ZCCHC2: variants seen among roughly 807,000 people sequenced by gnomAD.
ZCCHC2 encodes the protein zinc finger CCHC domain-containing protein 2.
A neutral mutation model predicts 103.6 loss-of-function variants in ZCCHC2; 39 were observed. That is an observed-to-expected ratio of 0.38 (90% CI 0.29 to 0.49). The LOEUF is 0.49. Among genes scored for constraint, ZCCHC2 ranks in the 20% least tolerant of loss-of-function variants. The pLI is 0.96. For missense variants in ZCCHC2, 1,483 were observed against 1,491.0 expected (o/e 0.99, Z 0.09); for synonymous variants, 687 against 608.9 (o/e 1.13, Z -1.89).
chr18:62,585,570 C>CT (rs34349413), exon 15 of ZCCHC2: 34,063 of 152,194 alleles, frequency 0.22, 4,068 homozygotes, highest in South Asian at 0.32. Context: ...TACATGGTAA[C>CT]TTAATTGTGC....
chr18:62,524,579 C>A, intron 1 of ZCCHC2: 1 of 648,738 alleles, frequency 1.5e-6, no homozygotes, highest in Non-Finnish European at 2.4e-6. Flanking sequence ...GCAGACACAG[C>A]CACCCGCCAT....
chr18:62,560,754 T>A, intron 8 of ZCCHC2, 110 bp downstream of exon 8: 2 of 830,122 alleles, frequency 2.4e-6, no homozygotes, highest in Non-Finnish European at 3.6e-6. Flanking sequence ...TTTTGCTATT[T>A]GCTTTTTATT....
intron 4 of ZCCHC2, among the ~76,000 whole-genome samples, chr18:62,546,284 T>C (rs1312341029): frequency 6.6e-6 from 1 of 152,176 alleles, no homozygotes; most frequent in Non-Finnish European, 1.5e-5. Flanking sequence ...GCAGGCTCCA[T>C]CTGCCAGGCA....
In ZCCHC2 at chr18:62,570,127, G is replaced by T. The variant is rs781659795; in HGVS notation, c.1871G>T (p.Gly624Val). Residue 624 changes from glycine to valine, a missense_variant, in exon 12 of 14, where the codon GGA becomes GTA. By Grantham distance (109) the Gly-to-Val change is moderately radical (BLOSUM62 -3). Transcript: ENST00000269499. ...GATGTGAATTTGGACATTGGCTCTG[G>T]ACATGACACATGTGGAGAAACATCT... is the stretch of plus-strand genomic sequence containing the variant. ...VKDVNLDIGS[G>V]HDTCGETSSE... 1.4e-5 allele frequency: 22 copies of T among 1,612,330 alleles called. No individual in the cohort carries two copies. In the Admixed American group the frequency reaches 3.7e-4, roughly 27 times the overall value.
rs532980655 is a variant in ZCCHC2, at chr18:62,574,347, G to A, written c.2266G>A (p.Val756Ile). ...CATAGGGATGCTTGTTCCTAGTCCT[G>A]TTGCTATTTCTGCAATAAGGGAGTC... ...KTIGMLVPSP[V>I]AISAIRESAN... The change falls in exon 13 of 14, where the codon GTT (valine) becomes ATT (isoleucine). Residue 756 changes from valine to isoleucine, a missense_variant. Physicochemically the swap from Val to Ile is conservative, Grantham distance 29. Around this residue, in one of 3 missense-constraint regions of ZCCHC2, gnomAD observed 884 missense variants for 907.5 expected, o/e 0.97. Transcript: ENST00000269499. The A allele has an allele frequency of 8.7e-6, 14 of 1,614,022 alleles. No homozygotes were observed. The highest frequency in any genetic ancestry group is 5.3e-5 in the African/African-American group (4 of 75,042).
downstream of ZCCHC2, among the ~76,000 whole-genome samples, chr18:62,579,447 G>A (rs1916982850): frequency 6.6e-6 from 1 of 152,212 alleles, no homozygotes; most frequent in South Asian, 2.1e-4. Context: ...CTGGTGGCCA[G>A]CACCGTCCTG....
At chr18:62,567,976 A>C (rs1353018177) in intron 11 of ZCCHC2, among the ~76,000 whole-genome samples, 1 of 144,088 alleles carries the variant, frequency 6.9e-6, no homozygotes, top group African/African-American at 2.5e-5. Flanking sequence ...TCATCATTGT[A>C]GTTTATTGCC....
chr18:62,532,556 A>G (rs1914733981), intron 1 of ZCCHC2, among the ~76,000 whole-genome samples: 1 of 149,732 alleles, frequency 6.7e-6, no homozygotes, highest in South Asian at 2.1e-4. Flanking sequence ...CTCCTCCTCC[A>G]CTCTTTTTTC....
At chr18:62,557,881 G>A (rs894319054) in intron 6 of ZCCHC2, among the ~76,000 whole-genome samples, 7 of 152,158 alleles carry the variant, frequency 4.6e-5, no homozygotes, top group African/African-American at 1.2e-4. Context: ...TTTGTTTTTA[G>A]GTTGTAAAAT....
At position 62,574,267 on chromosome 18, in the gene ZCCHC2, G is replaced by A; in HGVS notation, c.2186G>A (p.Gly729Asp). Residue 729 changes from glycine to aspartate, a missense_variant, in exon 13 of 14, where the codon GGT (glycine) becomes GAT (aspartate). Gly to Asp is a moderately conservative substitution (Grantham distance 94). Transcript: ENST00000269499. ...MPTLHCVMHNGAQKSEVVVPA... is the reference protein window; with the variant it reads ...MPTLHCVMHNDAQKSEVVVPA... ...ACGTTACACTGTGTCATGCACAATGGTGCCCAGAAGTCTGAAGTTGTCGTT... is the reference window on the plus strand; with the variant it reads ...ACGTTACACTGTGTCATGCACAATGATGCCCAGAAGTCTGAAGTTGTCGTT... The A allele has an allele frequency of 6.2e-7, 1 of 1,614,020 alleles. No individual in the cohort carries two copies. The highest frequency in any genetic ancestry group is 8.5e-7 in the Non-Finnish European group (1 of 1,179,890).
In ZCCHC2 at chr18:62,574,132, C is replaced by A. The variant is rs1916702057; in HGVS notation, c.2051C>A (p.Thr684Asn). The change falls in exon 13 of 14, where the codon ACT becomes AAT. Residue 684 changes from threonine (T) to asparagine (N), a missense_variant. Thr to Asn is a moderately conservative substitution (Grantham distance 65). Around this residue, in one of 3 missense-constraint regions of ZCCHC2, gnomAD observed 884 missense variants for 907.5 expected, o/e 0.97. Coordinates refer to ENST00000269499, the MANE Select transcript of ZCCHC2 (RefSeq NM_017742.6). ...ACAGGTTACGGTTCTGTCAACCAGA[C>A]TGTCACTGTCAAGCCACCTGTTCAA... ...RFTGYGSVNQ[T>N]VTVKPPVQIA... The A allele has an allele frequency of 6.2e-7, 1 of 1,613,924 alleles. No individual in the cohort carries two copies. Among genetic ancestry groups the A allele is most frequent in the Non-Finnish European group, 8.5e-7 (1 of 1,179,894 alleles).
At chr18:62,538,194 G>T (rs1459421381) in intron 1 of ZCCHC2, among the ~76,000 whole-genome samples, 1 of 150,306 alleles carries the variant, frequency 6.7e-6, no homozygotes, top group African/African-American at 2.5e-5. Flanking sequence ...CCGGGAATTT[G>T]AGGCTGCAGT....
chr18:62,565,023 CA>C lies in ZCCHC2; in HGVS notation c.1775del (p.Asn592ThrfsTer3). 1 of 1,613,054 alleles carries C rather than the reference CA, an allele frequency of 6.2e-7. No individual in the cohort carries two copies. The highest frequency in any genetic ancestry group is 8.5e-7 in the Non-Finnish European group (1 of 1,179,236). ...TEKEKIKKTDNRLNSRINGIR... is the reference protein window; with the variant it reads ...TEKEKIKKTDXRLNSRINGIR... ...TTAGGGAGAAAATTAAGAAAACTGA[CA>C]ACAGATTGAATAGTAGAATAAATGG... On this transcript the variant is annotated frameshift_variant, in exon 11 of 14. Transcript: ENST00000269499. LOFTEE classifies it high-confidence loss of function.
intron 3 of ZCCHC2, among the ~76,000 whole-genome samples, chr18:62,543,736 G>A (rs78965358): frequency 0.012 from 1,860 of 152,052 alleles, 63 homozygotes; most frequent in East Asian, 0.076. Flanking sequence ...TGCCCTATGC[G>A]TTTTCTTCAA....
intron 11 of ZCCHC2, among the ~76,000 whole-genome samples, chr18:62,569,586 T>A (rs1916510138): frequency 6.6e-6 from 1 of 151,960 alleles, no homozygotes; most frequent in African/African-American, 2.4e-5. Context: ...CAGATACGGC[T>A]AGTTGGTCAT....
At chr18:62,557,763 G>A (rs1915957686) in intron 6 of ZCCHC2, among the ~76,000 whole-genome samples, 1 of 152,226 alleles carries the variant, frequency 6.6e-6, no homozygotes, top group African/African-American at 2.4e-5. Flanking sequence ...TGAACAGGCT[G>A]CTCAGGAAAA....
At chr18:62,573,513 T>TC (rs930932879) in intron 12 of ZCCHC2, among the ~76,000 whole-genome samples, 5 of 151,898 alleles carry the variant, frequency 3.3e-5, no homozygotes, top group Admixed American at 2.0e-4. Flanking sequence ...TAAATTTTCT[T>TC]CCCCCCATTG....
At chr18:62,583,061 G>A (rs1917078143), downstream of ZCCHC2, among the ~76,000 whole-genome samples, 2 of 151,922 alleles carry the variant, frequency 1.3e-5, no homozygotes, top group Admixed American at 1.3e-4. Context: ...CCCAGATCAT[G>A]CCACTGCACT....
chr18:62,563,795 A>G (rs1254793560), intron 9 of ZCCHC2, among the ~76,000 whole-genome samples: 5 of 152,222 alleles, frequency 3.3e-5, no homozygotes, highest in Non-Finnish European at 1.5e-5. Flanking sequence ...CTGCCTTGCT[A>G]TTTGTGATAG....
Sources: allele counts gnomAD v4.1 joint callset (sites outside exome capture counted in the v4.1 genomes callset), GRCh38; gene constraint gnomAD v4.1.1; regional missense constraint gnomAD v4.1.1; transcripts MANE v1.5; gene names NCBI Gene and HGNC (gene_info 2026-07-23, HGNC 2026-07-21).